GRM5: variants seen among roughly 807,000 people sequenced by gnomAD.
GRM5 encodes the protein metabotropic glutamate receptor 5.
In GRM5, 19 loss-of-function variants were observed where a neutral mutation model predicts 83.1. That is an observed-to-expected ratio of 0.23 (90% CI 0.16 to 0.34). GRM5 has a LOEUF of 0.34. GRM5 is among the 10% of genes least tolerant of loss of function. The pLI, the probability that GRM5 is intolerant of heterozygous loss-of-function variation, is 1.00. For missense variants in GRM5, 1,160 were observed against 1,588.3 expected (o/e 0.73, Z 4.58); for synonymous variants, 675 against 633.6 (o/e 1.07, Z -0.98).
intron 2 of GRM5, among the ~76,000 whole-genome samples, chr11:88,990,614 T>C (rs1939930224): frequency 6.7e-6 from 1 of 148,248 alleles, no homozygotes; most frequent in South Asian, 2.2e-4. Flanking sequence ...AAATCCTCAA[T>C]AAAATACTGG....
intron 3 of GRM5, among the ~76,000 whole-genome samples, chr11:88,731,285 AC>A (rs560039221): frequency 9.7e-4 from 147 of 152,086 alleles, no homozygotes; most frequent in Middle Eastern, 6.8e-3. Flanking sequence ...GCTTCCTAAT[AC>A]CCACAGGCAT....
intron 3 of GRM5, among the ~76,000 whole-genome samples, chr11:88,683,722 A>G (rs1049770782): frequency 6.6e-6 from 1 of 152,218 alleles, no homozygotes; most frequent in African/African-American, 2.4e-5. Flanking sequence ...ATAGGAAAAA[A>G]TAATTTAACA....
intron 2 of GRM5, among the ~76,000 whole-genome samples, chr11:88,951,892 C>A (rs562261411): frequency 7.9e-5 from 12 of 152,326 alleles, no homozygotes; most frequent in Admixed American, 7.8e-4. Flanking sequence ...TGCATTACTT[C>A]ACTTCTCAAG....
At position 88,989,329 on chromosome 11, in the gene GRM5, C is replaced by T. The variant is rs972384196; in HGVS notation, c.661+57883G>A. 1.1e-3 allele frequency among the ~76,000 whole-genome samples: 155 copies of T among 140,792 alleles called. 3 individuals are homozygous for T. The highest frequency in any genetic ancestry group is 3.8e-3 in the African/African-American group (142 of 37,158). The allele number at this position is 140,792 out of a possible 152,430, so 92.4% of individuals were successfully genotyped here. A position where few individuals can be genotyped will look rare whatever the true frequency, so the allele number is the denominator to read the frequency against. On this transcript the variant is annotated intron_variant, in intron 2 of 9. Coordinates refer to ENST00000305447, the MANE Select transcript of GRM5 (RefSeq NM_001143831.3). ...GAGCTAACTATCCTAAATATATATG[C>T]ACCCAATACAGTAGCACCCAGATTC...
chr11:88,881,600 G>C (rs1166056182), intron 2 of GRM5, among the ~76,000 whole-genome samples: 2 of 152,100 alleles, frequency 1.3e-5, no homozygotes, highest in African/African-American at 4.8e-5. Flanking sequence ...AGATGAAACC[G>C]AGTTCAAGTA....
chr11:88,831,485 C>T (rs1943993512), intron 3 of GRM5, among the ~76,000 whole-genome samples: 1 of 152,192 alleles, frequency 6.6e-6, no homozygotes, highest in Admixed American at 6.5e-5. Context: ...GGAATCTGGG[C>T]ATCATTCAGC....
At chr11:88,854,156 G>C (rs941229033) in intron 2 of GRM5, among the ~76,000 whole-genome samples, 5 of 150,400 alleles carry the variant, frequency 3.3e-5, no homozygotes, top group Admixed American at 6.7e-5. Flanking sequence ...TGCAACATCA[G>C]CATATTATTC....
chr11:88,751,351 C>A (rs1942270363), intron 3 of GRM5, among the ~76,000 whole-genome samples: 1 of 152,126 alleles, frequency 6.6e-6, no homozygotes, highest in Non-Finnish European at 1.5e-5. Flanking sequence ...ACTAGAAAAT[C>A]TAGAAGAAAC....
At chr11:88,669,503 G>A (rs1342783771) in intron 3 of GRM5, among the ~76,000 whole-genome samples, 1 of 151,954 alleles carries the variant, frequency 6.6e-6, no homozygotes, top group East Asian at 1.9e-4. Flanking sequence ...ATAAAAAGGA[G>A]TAAACTGTCA....
chr11:88,695,363 G>C (rs1940876835), intron 3 of GRM5, among the ~76,000 whole-genome samples: 1 of 152,068 alleles, frequency 6.6e-6, no homozygotes, highest in Non-Finnish European at 1.5e-5. Context: ...TTATATAGTG[G>C]AGCTGTCCTA....
chr11:88,841,617 G>A (rs1436069179), intron 3 of GRM5, among the ~76,000 whole-genome samples: 1 of 152,120 alleles, frequency 6.6e-6, no homozygotes, highest in African/African-American at 2.4e-5. Flanking sequence ...CGTTATGTTG[G>A]TCTTTCCTTA....
At position 88,948,561 on chromosome 11, in the gene GRM5, C is replaced by T. The variant is rs1317448573; in HGVS notation, c.662-98406G>A. ...CCCAGTTAACTTAGGTCTAACCTGG[C>T]GAAATGCAAGGGTTCAAGTTTGAGA... On this transcript the variant is annotated intron_variant, in intron 2 of 9. Coordinates refer to ENST00000305447, the MANE Select transcript of GRM5 (RefSeq NM_001143831.3). Among the ~76,000 whole-genome samples the T allele has an allele frequency of 2.6e-5, 4 of 152,084 alleles. No individual in the cohort carries two copies. The East Asian group carries it at 7.7e-4, about 29-fold the overall frequency.
chr11:88,585,024 C>A (rs537890906), intron 7 of GRM5, among the ~76,000 whole-genome samples: 1 of 152,220 alleles, frequency 6.6e-6, no homozygotes, highest in Non-Finnish European at 1.5e-5. Flanking sequence ...ACCCCTGAAG[C>A]AGGTCATAAG....
chr11:88,667,405 T>C (rs546496115), intron 3 of GRM5, among the ~76,000 whole-genome samples: 28 of 152,196 alleles, frequency 1.8e-4, no homozygotes, highest in African/African-American at 6.7e-4. Flanking sequence ...TTAATAAGTA[T>C]GATGAATCCA....
intron 3 of GRM5, among the ~76,000 whole-genome samples, chr11:88,741,769 C>T (rs867206261): frequency 6.6e-6 from 1 of 151,818 alleles, no homozygotes; most frequent in African/African-American, 2.4e-5. Flanking sequence ...AAGTACTGAG[C>T]GCACATGGAA....
intron 3 of GRM5, among the ~76,000 whole-genome samples, chr11:88,686,270 G>A (rs1025364205): frequency 3.9e-5 from 6 of 152,170 alleles, no homozygotes; most frequent in South Asian, 2.1e-4. Context: ...GAGTTGCATC[G>A]GCCCTGTAAC....
At chr11:88,768,129 A>G (rs1752521910) in intron 3 of GRM5, among the ~76,000 whole-genome samples, 1 of 151,988 alleles carries the variant, frequency 6.6e-6, no homozygotes, top group Admixed American at 6.6e-5. Flanking sequence ...TATCAAAGAG[A>G]TAATGTTTAC....
intron 2 of GRM5, among the ~76,000 whole-genome samples, chr11:88,860,475 G>GC (rs1444846143): frequency 6.6e-6 from 1 of 152,148 alleles, no homozygotes. Context: ...TAGCTCACTA[G>GC]CCACCAATGA....
intron 2 of GRM5, among the ~76,000 whole-genome samples, chr11:88,996,765 A>T (rs1363638950): frequency 6.6e-6 from 1 of 152,250 alleles, no homozygotes; most frequent in Admixed American, 6.5e-5. Flanking sequence ...AAACCACAAC[A>T]AACTTGAAAG....
Sources: gnomAD v4.1 joint callset for allele counts (sites outside exome capture counted in the v4.1 genomes callset) on GRCh38, gnomAD v4.1.1 for gene constraint, MANE v1.5 for transcripts, NCBI Gene and HGNC (gene_info 2026-07-23, HGNC 2026-07-21) for gene names.